PXT1: variants seen among roughly 807,000 people sequenced by gnomAD.
The protein encoded by PXT1 is peroxisomal testis-specific protein 1.
A neutral mutation model predicts 11.0 loss-of-function variants in PXT1; 11 were observed. The observed-to-expected ratio is 1.00, with a 90% CI of 0.63 to 1.66. PXT1 has a LOEUF of 1.66. Ranked by LOEUF, PXT1 falls within the 40% of genes most tolerant of loss-of-function variation. PXT1 has a pLI of 0.00. For missense variants in PXT1, 141 were observed against 155.5 expected (o/e 0.91, Z 0.49); for synonymous variants, 43 against 51.4 (o/e 0.84, Z 0.70).
At chr6:36,435,737 GA>G (rs1001477971) in intron 2 of PXT1, among the ~76,000 whole-genome samples, 1 of 152,010 alleles carries the variant, frequency 6.6e-6, no homozygotes, top group Non-Finnish European at 1.5e-5. Context: ...CTTCCAGATT[GA>G]AAAAAATCAA....
intron 2 of PXT1, among the ~76,000 whole-genome samples, chr6:36,437,566 T>G (rs1208724417): frequency 6.8e-6 from 1 of 146,750 alleles, no homozygotes; most frequent in African/African-American, 2.5e-5. Flanking sequence ...CAGGCTGGAG[T>G]GCAATGGCGC....
chr6:36,420,650 G>T (rs1043710146), intron 3 of PXT1, among the ~76,000 whole-genome samples: 1 of 150,608 alleles, frequency 6.6e-6, no homozygotes, highest in African/African-American at 2.5e-5. Context: ...TTCTAGCCAA[G>T]AAAATATATT....
At chr6:36,421,473 GC>G (rs1341182884) in intron 3 of PXT1, among the ~76,000 whole-genome samples, 1 of 151,990 alleles carries the variant, frequency 6.6e-6, no homozygotes, top group Non-Finnish European at 1.5e-5. Context: ...AAAAAGCAAA[GC>G]AAAACAAAAC....
chr6:36,429,112 A>G (rs1177322922), intron 2 of PXT1, among the ~76,000 whole-genome samples: 1 of 149,614 alleles, frequency 6.7e-6, no homozygotes, highest in East Asian at 2.0e-4. Context: ...ACAAAAAAAT[A>G]CACAAATTAG....
At chr6:36,434,658 C>A (rs114481280) in intron 2 of PXT1, among the ~76,000 whole-genome samples, 3 of 152,008 alleles carry the variant, frequency 2.0e-5, no homozygotes, top group Admixed American at 6.6e-5. Context: ...AAGAGAAGTT[C>A]GTTTATAAGA....
intron 2 of PXT1, among the ~76,000 whole-genome samples, chr6:36,428,823 T>C (rs1380350650): frequency 6.6e-6 from 1 of 151,998 alleles, no homozygotes; most frequent in Non-Finnish European, 1.5e-5. Flanking sequence ...GCCCAGCTAA[T>C]TTCTGTATTT....
intron 2 of PXT1, among the ~76,000 whole-genome samples, chr6:36,437,069 T>A (rs564328039): frequency 1.8e-4 from 28 of 152,046 alleles, no homozygotes; most frequent in Non-Finnish European, 3.1e-4. Context: ...GCGGATCACT[T>A]GAGGTTAGGA....
chr6:36,422,016 T>C (rs1014138163), intron 3 of PXT1, among the ~76,000 whole-genome samples: 2 of 152,228 alleles, frequency 1.3e-5, no homozygotes, highest in African/African-American at 4.8e-5. Flanking sequence ...AGATATATCA[T>C]ATCCTACGAT....
At chr6:36,401,371 C>T (rs1323703785) in intron 3 of PXT1, among the ~76,000 whole-genome samples, 2 of 152,138 alleles carry the variant, frequency 1.3e-5, no homozygotes, top group East Asian at 3.8e-4. Flanking sequence ...CAATGGCTCA[C>T]ATCTATAATC....
rs1341254779 is a variant in PXT1 at position 36,390,999 on chromosome 6, G to A, written c.*771C>T. On this transcript the variant is annotated 3_prime_UTR_variant, in exon 5 of 5. Transcript: ENST00000454782. ...TGACAGAGCAGGGAAAGATACCTTCGAGCAGGGTCGAGTGGTATGGGAAAA... is the reference window on the plus strand; with the variant it reads ...TGACAGAGCAGGGAAAGATACCTTCAAGCAGGGTCGAGTGGTATGGGAAAA... 1 of 152,282 alleles carries A rather than the reference G, an allele frequency of 6.6e-6. No individual in the cohort carries two copies. Among genetic ancestry groups the A allele is most frequent in the Non-Finnish European group, 1.5e-5 (1 of 68,108 alleles). The allele number at this position is 152,282 out of a possible 1,614,324, so 9.4% of individuals were successfully genotyped here.
chr6:36,439,083 C>T (rs1168377512), intron 1 of PXT1, among the ~76,000 whole-genome samples, 197 bp from the exon 2 acceptor site: 1 of 151,750 alleles, frequency 6.6e-6, no homozygotes, highest in Non-Finnish European at 1.5e-5. Context: ...ACTGCAACCT[C>T]CGCCTCCTGG....
At chr6:36,432,585 A>G (rs1405808058) in intron 2 of PXT1, among the ~76,000 whole-genome samples, 1 of 152,180 alleles carries the variant, frequency 6.6e-6, no homozygotes, top group African/African-American at 2.4e-5. Flanking sequence ...GAGCCCTGGA[A>G]AGACTCAGGT....
At chr6:36,431,931 CA>C (rs1561934240) in intron 2 of PXT1, among the ~76,000 whole-genome samples, 1 of 151,764 alleles carries the variant, frequency 6.6e-6, no homozygotes, top group Non-Finnish European at 1.5e-5. Flanking sequence ...ATTAGCCGGG[CA>C]TGGTGGTGGG....
chr6:36,396,087 T>A (rs1774140980), intron 4 of PXT1, among the ~76,000 whole-genome samples: 1 of 152,232 alleles, frequency 6.6e-6, no homozygotes, highest in Non-Finnish European at 1.5e-5. Context: ...ACCAGCTTTA[T>A]AAAGTTCTGC....
chr6:36,395,654 C>A (rs1029530562), intron 4 of PXT1, among the ~76,000 whole-genome samples: 8 of 151,974 alleles, frequency 5.3e-5, no homozygotes, highest in African/African-American at 1.9e-4. Context: ...GGCCACCACA[C>A]TCGGCTGGAA....
chr6:36,437,143 C>T (rs1774776197), intron 2 of PXT1, among the ~76,000 whole-genome samples: 1 of 151,964 alleles, frequency 6.6e-6, no homozygotes. Flanking sequence ...AAAAATTAGC[C>T]GGGCGTGGTG....
chr6:36,425,646 A>G (rs1371822954), intron 3 of PXT1, among the ~76,000 whole-genome samples: 5 of 151,554 alleles, frequency 3.3e-5, no homozygotes, highest in African/African-American at 1.2e-4. Flanking sequence ...AAATTAGCCC[A>G]GCGTGGTGGT....
At chr6:36,395,207 A>T (rs896771927) in intron 4 of PXT1, among the ~76,000 whole-genome samples, 1 of 152,160 alleles carries the variant, frequency 6.6e-6, no homozygotes, top group Non-Finnish European at 1.5e-5. Flanking sequence ...GAGAGCAAAA[A>T]ATTTGGCAGC....
intron 3 of PXT1, among the ~76,000 whole-genome samples, chr6:36,422,011 T>G (rs954593425): frequency 2.6e-5 from 4 of 152,234 alleles, no homozygotes; most frequent in African/African-American, 9.7e-5. Context: ...TATTGAGATA[T>G]ATCATATCCT....
Sources: gnomAD v4.1 joint callset for allele counts (sites outside exome capture counted in the v4.1 genomes callset) on GRCh38, gnomAD v4.1.1 for gene constraint, MANE v1.5 for transcripts, NCBI Gene and HGNC (gene_info 2026-07-23, HGNC 2026-07-21) for gene names.